The following CSF1R variants were observed in gnomAD, a reference collection of about 807,000 sequenced individuals.
The protein encoded by CSF1R is colony stimulating factor 1 receptor.
Under a neutral mutation model 110.0 loss-of-function variants are expected in CSF1R, and 40 were observed. That is an observed-to-expected ratio of 0.36 (90% CI 0.28 to 0.47). The LOEUF is 0.47. Among genes scored for constraint, CSF1R ranks in the 20% least tolerant of loss-of-function variants. CSF1R has a pLI of 0.99. For synonymous variants in CSF1R, 523 were observed against 503.4 expected (o/e 1.04, Z -0.52); for missense variants, 1,052 against 1,253.0 (o/e 0.84, Z 2.42).
chr5:150,057,865 C>A (rs1158474348), intron 14 of CSF1R, among the ~76,000 whole-genome samples: 1 of 152,186 alleles, frequency 6.6e-6, no homozygotes, highest in African/African-American at 2.4e-5. Context: ...TTCCTCCTAG[C>A]CCCTGCTCTA....
At chr5:150,096,037 CA>C (rs568609446) in intron 1 of CSF1R, among the ~76,000 whole-genome samples, 25 of 152,182 alleles carry the variant, frequency 1.6e-4, no homozygotes, top group African/African-American at 5.8e-4. Flanking sequence ...CAAAAACAAA[CA>C]AAAAAACTCT....
At chr5:150,086,570 T>C, upstream of CSF1R, 1 of 735,594 alleles carries the variant, frequency 1.4e-6, no homozygotes, top group South Asian at 1.8e-5. Flanking sequence ...GTTTTCCTCT[T>C]CCTCCTCCTT....
intron 5 of CSF1R, among the ~76,000 whole-genome samples, chr5:150,075,747 T>C (rs1280200548): frequency 1.3e-5 from 2 of 152,244 alleles, no homozygotes; most frequent in African/African-American, 2.4e-5. Flanking sequence ...AAAGTGTGAA[T>C]GAACATAAAC....
chr5:150,086,641 G>C (rs1006435402), upstream of CSF1R: 7 of 522,624 alleles, frequency 1.3e-5, no homozygotes, highest in Non-Finnish European at 2.1e-5. Context: ...TGGAAATCTT[G>C]GGTCTTTAAG....
chr5:150,105,674 C>A (rs907311626), intron 1 of CSF1R, among the ~76,000 whole-genome samples: 1 of 151,996 alleles, frequency 6.6e-6, no homozygotes. Context: ...AGGCACACAC[C>A]GCCCACTTGA....
intron 10 of CSF1R, among the ~76,000 whole-genome samples, chr5:150,063,998 T>C (rs1263082829): frequency 2.0e-5 from 3 of 152,214 alleles, no homozygotes; most frequent in Non-Finnish European, 4.4e-5. Context: ...TCATGTCCTT[T>C]GCAGCAACGT....
chr5:150,065,061 C>T (rs1053538395), intron 10 of CSF1R, among the ~76,000 whole-genome samples: 3 of 152,186 alleles, frequency 2.0e-5, no homozygotes, highest in African/African-American at 4.8e-5. Context: ...GGGAGTGGGG[C>T]GCTGGGCTAG....
chr5:150,072,051 T>C (rs1436762917), intron 6 of CSF1R, among the ~76,000 whole-genome samples: 1 of 152,216 alleles, frequency 6.6e-6, no homozygotes, highest in Non-Finnish European at 1.5e-5. Flanking sequence ...AAATACTGCC[T>C]GGGACCTGTG....
upstream of CSF1R, among the ~76,000 whole-genome samples, chr5:150,091,344 C>T (rs528677364): frequency 3.9e-5 from 6 of 152,254 alleles, no homozygotes; most frequent in South Asian, 2.1e-4. Flanking sequence ...AAATATTCAA[C>T]GCAGCACAAT....
At chr5:150,065,782 T>A (rs2282804) in intron 10 of CSF1R, among the ~76,000 whole-genome samples, 16,041 of 152,202 alleles carry the variant, frequency 0.11, 997 homozygotes, top group Middle Eastern at 0.21. Flanking sequence ...CAGGGGCAGC[T>A]GAATTTCCTG....
intron 14 of CSF1R, among the ~76,000 whole-genome samples, chr5:150,059,206 G>T (rs951875131): frequency 1.3e-5 from 2 of 152,116 alleles, no homozygotes; most frequent in Non-Finnish European, 2.9e-5. Context: ...CACCACGCCC[G>T]GCTAATTTTG....
At position 150,068,336 on chromosome 5, in the gene CSF1R, A is replaced by G. The variant is rs201915662; in HGVS notation, c.1511-6T>C. 6.2e-7 allele frequency: 1 copy of G among 1,610,626 alleles called. No individual in the cohort carries two copies. Among genetic ancestry groups the G allele is most frequent in the Non-Finnish European group, 8.5e-7 (1 of 1,178,232 alleles). On this transcript the variant is annotated splice_region_variant and splice_polypyrimidine_tract_variant and intron_variant, in intron 9 of 20. Coordinates refer to ENST00000675795, the MANE Select transcript of CSF1R (RefSeq NM_001288705.3). The stretch of plus-strand genomic sequence containing the variant: ...CGGGGGATGCGTGTGGGCTCCTGGA[A>G]GGCATGAAGCAAAGCAGTGAGCAGG...
In CSF1R at chr5:150,070,399, TC is replaced by T. The variant is rs1757981979; in HGVS notation, c.1198+56del. 3.8e-6 allele frequency: 6 copies of T among 1,572,356 alleles called. No individual in the cohort carries two copies. The South Asian group carries it at 6.0e-5, about 16-fold the overall frequency. On this transcript the variant is annotated intron_variant, in intron 7 of 20. Coordinates refer to ENST00000675795, the MANE Select transcript of CSF1R (RefSeq NM_001288705.3). ...CTGTGCCCTGCCCCAGTCAACCCCA[TC>T]CCTCCAGGCAGTCCCAGGGCCTCCG... is the stretch of plus-strand genomic sequence containing the variant.
At chr5:150,060,434 C>A (rs1367275406) in intron 13 of CSF1R, among the ~76,000 whole-genome samples, 2 of 152,046 alleles carry the variant, frequency 1.3e-5, no homozygotes, top group African/African-American at 4.8e-5. Flanking sequence ...TAGGTCAGAG[C>A]TGCTATCAGT....
At chr5:150,063,790 C>A (rs541930662) in intron 10 of CSF1R, among the ~76,000 whole-genome samples, 1 of 152,060 alleles carries the variant, frequency 6.6e-6, no homozygotes, top group Non-Finnish European at 1.5e-5. Context: ...TGGGCTGGGG[C>A]GGTGGAGGAC....
chr5:150,086,566 C>T, upstream of CSF1R: 1 of 752,670 alleles, frequency 1.3e-6, no homozygotes, highest in Non-Finnish European at 2.2e-6. Flanking sequence ...TCTTGTTTTC[C>T]TCTTCCTCCT....
At chr5:150,091,152 T>A (rs1383416660), upstream of CSF1R, among the ~76,000 whole-genome samples, 2 of 152,160 alleles carry the variant, frequency 1.3e-5, no homozygotes, top group Non-Finnish European at 2.9e-5. Flanking sequence ...TTGGTGAGGA[T>A]GTGGAGAAAT....
At chr5:150,071,550 C>A (rs1682203959) in intron 6 of CSF1R, among the ~76,000 whole-genome samples, 1 of 152,144 alleles carries the variant, frequency 6.6e-6, no homozygotes, top group South Asian at 2.1e-4. Context: ...GATAACTAAC[C>A]CCTTTAACTA....
intron 1 of CSF1R, among the ~76,000 whole-genome samples, chr5:150,102,699 C>T (rs6579771): frequency 0.26 from 40,147 of 152,064 alleles, 5,427 homozygotes; most frequent in Middle Eastern, 0.39. Flanking sequence ...AGGCTGGTCT[C>T]GAACTCCAGA....
Sources: allele counts gnomAD v4.1 joint callset (sites outside exome capture counted in the v4.1 genomes callset), GRCh38; gene constraint gnomAD v4.1.1; transcripts MANE v1.5; gene names NCBI Gene and HGNC (gene_info 2026-07-23, HGNC 2026-07-21).